CAMTA1: variants seen among roughly 807,000 people sequenced by gnomAD.
CAMTA1 encodes calmodulin binding transcription activator 1, also known as calmodulin-binding transcription activator 1.
In CAMTA1, 27 loss-of-function variants were observed where a neutral mutation model predicts 170.9. The observed-to-expected ratio is 0.16, with a 90% CI of 0.12 to 0.22. The LOEUF (loss-of-function observed/expected upper bound fraction) is 0.22. Among genes scored for constraint, CAMTA1 ranks in the 10% least tolerant of loss-of-function variants. CAMTA1 has a pLI of 1.00. For missense variants in CAMTA1, 1,619 were observed against 2,217.2 expected (o/e 0.73, Z 5.42); for synonymous variants, 833 against 891.5 (o/e 0.93, Z 1.17).
In CAMTA1 at chr1:7,655,098, A is replaced by C. The variant is rs1411604681; in HGVS notation, c.665-6628A>C. Reference sequence around the variant, plus strand: ...TACACACACACCCACCTATACACACACACCTATACACACACCTATACACAC... The same window carrying C: ...TACACACACACCCACCTATACACACCCACCTATACACACACCTATACACAC... On this transcript the variant is annotated intron_variant, in intron 7 of 22. Coordinates refer to ENST00000303635, the MANE Select transcript of CAMTA1 (RefSeq NM_015215.4). Among the ~76,000 whole-genome samples the C allele has an allele frequency of 4.5e-3, 62 of 13,912 alleles. 1 individual carries two copies. Among genetic ancestry groups the C allele is most frequent in the African/African-American group, 0.019 (60 of 3,224 alleles). 9.1% of individuals were successfully genotyped at this position (13,912 alleles called of 152,430 possible).
At chr1:7,494,620 G>C (rs554126862) in intron 6 of CAMTA1, among the ~76,000 whole-genome samples, 1 of 152,214 alleles carries the variant, frequency 6.6e-6, no homozygotes, top group African/African-American at 2.4e-5. Flanking sequence ...CCTGGTCAAT[G>C]TGGTAAAACC....
At chr1:7,669,494 A>G (rs1314214499) in intron 9 of CAMTA1, among the ~76,000 whole-genome samples, 3 of 152,220 alleles carry the variant, frequency 2.0e-5, no homozygotes. Flanking sequence ...AGAATGAGTG[A>G]CTGACCAGTA....
intron 6 of CAMTA1, among the ~76,000 whole-genome samples, chr1:7,522,848 T>C (rs552883779): frequency 6.6e-6 from 1 of 152,310 alleles, no homozygotes; most frequent in South Asian, 2.1e-4. Flanking sequence ...CTGGGTTCTG[T>C]ATTCTGTTCT....
chr1:6,887,851 C>T lies in CAMTA1; in HGVS notation c.234+62641C>T, dbSNP rs1353759632. 2.2e-5 allele frequency: 31 copies of T among 1,440,470 alleles called. No homozygotes were observed. The highest frequency in any genetic ancestry group is 2.9e-5 in the African/African-American group (2 of 69,674). The allele number at this position is 1,440,470 out of a possible 1,614,324, so 89.2% of individuals were successfully genotyped here. A position where few individuals can be genotyped will look rare whatever the true frequency, so the allele number is the denominator to read the frequency against. On this transcript the variant is annotated intron_variant, in intron 3 of 22. Transcript: ENST00000303635. This position sits in a 1 kb window ranked among gnomAD's most constrained non-coding sequence, Gnocchi z 4.1. ...CTCAAAACCCCAAATTAATTTGAAC[C>T]GAATGTTACTAAAAATGAAATAGAA...
intron 5 of CAMTA1, among the ~76,000 whole-genome samples, chr1:7,389,123 G>A (rs2088386650): frequency 6.6e-6 from 1 of 152,236 alleles, no homozygotes; most frequent in South Asian, 2.1e-4. Context: ...TCACTCTGCA[G>A]CAGCACAGAG....
chr1:7,119,995 CT>C (rs1225227514), intron 4 of CAMTA1, among the ~76,000 whole-genome samples: 2 of 152,094 alleles, frequency 1.3e-5, no homozygotes, highest in Middle Eastern at 3.2e-3. Context: ...ACATTTAATC[CT>C]TACAACCACC....
At position 7,249,215 on chromosome 1, in the gene CAMTA1, C is replaced by T. The variant is rs1041455062; in HGVS notation, c.303-276C>T. Among the ~76,000 whole-genome samples, 3 of 152,090 alleles carry T rather than the reference C, an allele frequency of 2.0e-5. No homozygotes were observed. Among genetic ancestry groups the T allele is most frequent in the Admixed American group, 1.3e-4 (2 of 15,274 alleles). On this transcript the variant is annotated intron_variant, in intron 4 of 22. Transcript: ENST00000303635. This position sits in a 1 kb window ranked among gnomAD's most constrained non-coding sequence, Gnocchi z 4.4. The stretch of plus-strand genomic sequence containing the variant: ...CAGTGCAGAGCTCAGGCCCCCACAT[C>T]GTATATCCTGATTACTTTGTGGTTA...
At chr1:7,705,784 C>T (rs1351056835) in intron 11 of CAMTA1, among the ~76,000 whole-genome samples, 3 of 152,076 alleles carry the variant, frequency 2.0e-5, no homozygotes, top group African/African-American at 7.2e-5. Flanking sequence ...GAGGGACGCT[C>T]GATTCACCCG....
intron 3 of CAMTA1, among the ~76,000 whole-genome samples, chr1:7,090,951 C>T (rs550183056): frequency 2.6e-5 from 4 of 152,262 alleles, no homozygotes; most frequent in South Asian, 2.1e-4. Flanking sequence ...ATTATGGTCT[C>T]GCATCGTGGA....
intron 3 of CAMTA1, among the ~76,000 whole-genome samples, chr1:7,068,415 GTTTAAATTTGGTGACTACCCACGGGC>G: frequency 6.6e-6 from 1 of 152,002 alleles, no homozygotes; most frequent in South Asian, 2.1e-4. Context: ...ACGGACATGA[GTTTAAATTTGGTGACTACCCACGGGC>G]TTCTGAGAAA....
intron 5 of CAMTA1, among the ~76,000 whole-genome samples, chr1:7,405,893 A>G (rs2090248546): frequency 6.6e-6 from 1 of 152,010 alleles, no homozygotes; most frequent in African/African-American, 2.4e-5. Context: ...CTGTTGGGGG[A>G]CAGAAGGGGG....
chr1:6,963,105 C>G (rs1156260879), intron 3 of CAMTA1, among the ~76,000 whole-genome samples: 1 of 151,312 alleles, frequency 6.6e-6, no homozygotes. Flanking sequence ...TTCATTTGAC[C>G]CATCCCACCC....
intron 6 of CAMTA1, among the ~76,000 whole-genome samples, chr1:7,590,439 C>A (rs1239731304): frequency 1.3e-5 from 2 of 152,188 alleles, no homozygotes; most frequent in Non-Finnish European, 2.9e-5. Flanking sequence ...TATAACCAGG[C>A]CCCGCTGGCT....
chr1:6,956,366 G>T (rs1211491180), intron 3 of CAMTA1, among the ~76,000 whole-genome samples: 1 of 152,164 alleles, frequency 6.6e-6, no homozygotes, highest in East Asian at 1.9e-4. Flanking sequence ...GGAGAGCTCT[G>T]CAGGGTCCCA....
chr1:7,054,329 C>A (rs1034178857), intron 3 of CAMTA1, among the ~76,000 whole-genome samples: 1 of 152,228 alleles, frequency 6.6e-6, no homozygotes, highest in Non-Finnish European at 1.5e-5. Context: ...GTTTCTATGA[C>A]GAGAAGCAGC....
chr1:6,912,112 G>T (rs913323145), intron 3 of CAMTA1, among the ~76,000 whole-genome samples: 1 of 152,208 alleles, frequency 6.6e-6, no homozygotes, highest in African/African-American at 2.4e-5. Context: ...GCTGAGCAGT[G>T]TGAGCCTGGC....
chr1:7,604,380 T>C (rs1355302536), intron 6 of CAMTA1, among the ~76,000 whole-genome samples: 1 of 152,228 alleles, frequency 6.6e-6, no homozygotes, highest in Non-Finnish European at 1.5e-5. Context: ...TGTTTGTTTC[T>C]TTTTATTCTT....
At chr1:7,292,570 C>G (rs763538501) in intron 5 of CAMTA1, among the ~76,000 whole-genome samples, 106 of 152,180 alleles carry the variant, frequency 7.0e-4, no homozygotes, top group Non-Finnish European at 1.1e-3. Context: ...GAATGTGAGC[C>G]CAGATGCTGA....
chr1:7,205,363 A>G (rs968325549), intron 4 of CAMTA1, among the ~76,000 whole-genome samples: 4 of 152,274 alleles, frequency 2.6e-5, no homozygotes, highest in South Asian at 2.1e-4. Flanking sequence ...TTGGCCTCCC[A>G]AAGTGTTGAG....
Sources: allele counts gnomAD v4.1 joint callset (sites outside exome capture counted in the v4.1 genomes callset), GRCh38; gene constraint gnomAD v4.1.1; non-coding constraint Gnocchi (gnomAD v3.1); transcripts MANE v1.5; gene names NCBI Gene and HGNC (gene_info 2026-07-23, HGNC 2026-07-21).